Variants in ZNF804B observed in about 807,000 individuals in gnomAD.
ZNF804B encodes the protein zinc finger protein 804B.
In ZNF804B, 80 loss-of-function variants were observed where a neutral mutation model predicts 101.4. That is an observed-to-expected ratio of 0.79 (90% CI 0.66 to 0.95). The LOEUF (loss-of-function observed/expected upper bound fraction) is 0.95. Among genes scored for constraint, ZNF804B ranks in the 40% least tolerant of loss-of-function variants. The pLI, the probability that ZNF804B is intolerant of heterozygous loss-of-function variation, is 0.00. For missense variants in ZNF804B, 1,673 were observed against 1,561.9 expected, an observed-to-expected ratio of 1.07 and a Z score of -1.20; for synonymous variants, 622 against 558.8, an observed-to-expected ratio of 1.11 and a Z score of -1.59.
At chr7:88,875,820 A>G (rs894011457) in intron 1 of ZNF804B, among the ~76,000 whole-genome samples, 4 of 152,230 alleles carry the variant, frequency 2.6e-5, no homozygotes, top group African/African-American at 9.7e-5. Context: ...TGAGGCCAGC[A>G]TCGTCCTGAT....
intron 2 of ZNF804B, among the ~76,000 whole-genome samples, chr7:89,233,330 A>G (rs1429534373): frequency 1.3e-5 from 2 of 152,224 alleles, no homozygotes; most frequent in African/African-American, 4.8e-5. Context: ...ATGGGGAACC[A>G]ATAAAATTGT....
chr7:88,913,987 C>T (rs763389277), intron 1 of ZNF804B, among the ~76,000 whole-genome samples: 32 of 152,222 alleles, frequency 2.1e-4, no homozygotes, highest in East Asian at 1.2e-3. Flanking sequence ...TTTCCAAAAA[C>T]GGAAACTGAA....
chr7:88,930,235 C>T (rs570283335), intron 1 of ZNF804B, among the ~76,000 whole-genome samples: 1 of 151,770 alleles, frequency 6.6e-6, no homozygotes, highest in Non-Finnish European at 1.5e-5. Context: ...AAAAACTCAG[C>T]AGAAAGAGAA....
chr7:88,992,769 A>T (rs1470787863), intron 1 of ZNF804B, among the ~76,000 whole-genome samples: 1 of 152,026 alleles, frequency 6.6e-6, no homozygotes, highest in Non-Finnish European at 1.5e-5. Flanking sequence ...TAGGATACAG[A>T]ATCTTGGTGG....
chr7:89,088,148 C>T (rs1371134702), intron 1 of ZNF804B, among the ~76,000 whole-genome samples: 1 of 152,036 alleles, frequency 6.6e-6, no homozygotes, highest in African/African-American at 2.4e-5. Context: ...AATTGTTCCT[C>T]TCAGTGTTCT....
intron 1 of ZNF804B, among the ~76,000 whole-genome samples, chr7:89,059,661 T>A (rs1789347002): frequency 6.6e-6 from 1 of 152,164 alleles, no homozygotes; most frequent in Non-Finnish European, 1.5e-5. Context: ...TTGTTATTGT[T>A]TTTATTTGGA....
chr7:88,851,131 G>A (rs761936235), intron 1 of ZNF804B, among the ~76,000 whole-genome samples: 1 of 152,090 alleles, frequency 6.6e-6, no homozygotes, highest in African/African-American at 2.4e-5. Flanking sequence ...AGAAAAATGA[G>A]TAGATTGTTG....
rs3847044 is a variant in ZNF804B, at chr7:88,835,028, A to T, written c.108+74944A>T. On this transcript the variant is annotated intron_variant, in intron 1 of 3. Coordinates refer to ENST00000333190, the MANE Select transcript of ZNF804B (RefSeq NM_181646.5). ...ACTACTGAACTTTCAGAGGTCTCCT[A>T]CGAACGGAACTGTAGTACTCATTGT... Among the ~76,000 whole-genome samples, 606 of 151,964 alleles carry T rather than the reference A, an allele frequency of 4.0e-3. 3 individuals are homozygous for T. Among genetic ancestry groups the T allele is most frequent in the African/African-American group, 0.014 (581 of 41,530 alleles).
chr7:89,288,687 A>G (rs1790241580), intron 2 of ZNF804B, among the ~76,000 whole-genome samples: 1 of 152,340 alleles, frequency 6.6e-6, no homozygotes, highest in African/African-American at 2.4e-5. Flanking sequence ...ACATTTCAAG[A>G]AAACAAAAAA....
rs189199100 is a variant in ZNF804B at position 88,800,381 on chromosome 7, C to T, written c.108+40297C>T. ...TTTGGTAATTACTTATCAAGGAGAGCGCAGGCTAGGAACATTTAGTTAATT... is the reference window on the plus strand; with the variant it reads ...TTTGGTAATTACTTATCAAGGAGAGTGCAGGCTAGGAACATTTAGTTAATT... On this transcript the variant is annotated intron_variant, in intron 1 of 3. Coordinates refer to ENST00000333190, the MANE Select transcript of ZNF804B (RefSeq NM_181646.5). Among the ~76,000 whole-genome samples, 186 of 152,152 alleles carry T rather than the reference C, an allele frequency of 1.2e-3. 2 individuals carry two copies. The highest frequency in any genetic ancestry group is 3.8e-3 in the African/African-American group (157 of 41,526).
chr7:89,302,008 A>G (rs896760791), intron 2 of ZNF804B, among the ~76,000 whole-genome samples: 1 of 151,918 alleles, frequency 6.6e-6, no homozygotes, highest in Admixed American at 6.6e-5. Context: ...AACCCATGGC[A>G]TCAGCTTGAA....
chr7:89,334,053 T>C lies in ZNF804B; in HGVS notation c.1071T>C (p.Val357=), dbSNP rs1791031523. The stretch of plus-strand genomic sequence containing the variant: ...TGAAGAACACTTTAGAAAATTGTGT[T>C]AATCACCCATGCCAAGCAAATGCTT... ...NTLKNTLENC[V]NHPCQANASF... is the part of the protein sequence containing the mutation. The change falls in exon 4 of 4, where the codon GTT becomes GTC. Residue 357 remains valine (V), a synonymous_variant. Coordinates refer to ENST00000333190, the MANE Select transcript of ZNF804B (RefSeq NM_181646.5). 6.2e-7 allele frequency: 1 copy of C among 1,613,472 alleles called. No individual in the cohort carries two copies. The highest frequency in any genetic ancestry group is 8.5e-7 in the Non-Finnish European group (1 of 1,179,792).
chr7:89,050,929 T>G (rs529862070), intron 1 of ZNF804B, among the ~76,000 whole-genome samples: 1 of 152,096 alleles, frequency 6.6e-6, no homozygotes, highest in Non-Finnish European at 1.5e-5. Context: ...ATCATTTTGT[T>G]GAGGTTTTAT....
chr7:89,227,544 T>A (rs1349564855), intron 2 of ZNF804B, among the ~76,000 whole-genome samples: 4 of 152,276 alleles, frequency 2.6e-5, no homozygotes, highest in African/African-American at 9.6e-5. Context: ...ATATCAGATG[T>A]TCTACATGCT....
chr7:88,995,419 T>G (rs891455327), intron 1 of ZNF804B, among the ~76,000 whole-genome samples: 1 of 152,058 alleles, frequency 6.6e-6, no homozygotes, highest in Non-Finnish European at 1.5e-5. Flanking sequence ...TAGGAAACCC[T>G]TAGGTGTAGA....
chr7:88,832,840 C>T (rs1562806192), intron 1 of ZNF804B, among the ~76,000 whole-genome samples: 1 of 151,898 alleles, frequency 6.6e-6, no homozygotes, highest in Non-Finnish European at 1.5e-5. Flanking sequence ...CAGAAATCAA[C>T]CTTCTCCCAT....
intron 2 of ZNF804B, among the ~76,000 whole-genome samples, chr7:89,278,634 C>T (rs1790028545): frequency 6.6e-6 from 1 of 151,846 alleles, no homozygotes; most frequent in Middle Eastern, 3.4e-3. Context: ...TTGTTTTTCT[C>T]AGGTTTGTCA....
At chr7:88,972,209 C>T (rs1793549333) in intron 1 of ZNF804B, among the ~76,000 whole-genome samples, 1 of 151,502 alleles carries the variant, frequency 6.6e-6, no homozygotes, top group Admixed American at 6.6e-5. Context: ...ATGACTTGTA[C>T]ACCACAAGTG....
intron 1 of ZNF804B, among the ~76,000 whole-genome samples, chr7:89,160,912 A>G (rs1007247609): frequency 6.6e-6 from 1 of 152,190 alleles, no homozygotes; most frequent in Non-Finnish European, 1.5e-5. Context: ...CACATAGCTG[A>G]TAAGTAGCAG....
Sources: gnomAD v4.1 joint callset for allele counts (sites outside exome capture counted in the v4.1 genomes callset) on GRCh38, gnomAD v4.1.1 for gene constraint, MANE v1.5 for transcripts, NCBI Gene and HGNC (gene_info 2026-07-23, HGNC 2026-07-21) for gene names.